Variants in XKR9 observed in about 807,000 individuals in gnomAD.
XKR9 encodes XK-related protein 9.
XKR9 carries 32 observed loss-of-function variants against 32.0 expected under a neutral mutation model. That is an observed-to-expected ratio of 1.00 (90% CI 0.76 to 1.34). The LOEUF (loss-of-function observed/expected upper bound fraction) is 1.34, where lower values mean the gene tolerates loss of function less well. Among genes scored for constraint, XKR9 ranks in the 40% most tolerant of loss-of-function variants. XKR9 has a pLI of 0.00. For missense variants in XKR9, 546 were observed against 429.7 expected (o/e 1.27, Z -2.39); for synonymous variants, 168 against 143.4 (o/e 1.17, Z -1.22).
the XKR9 span, among the ~76,000 whole-genome samples, chr8:71,016,280 A>AT: frequency 6.6e-6 from 1 of 151,938 alleles, no homozygotes; most frequent in Non-Finnish European, 1.5e-5. Context: ...CTGTTTTTAT[A>AT]TTTTTTCAAT....
the XKR9 span, among the ~76,000 whole-genome samples, chr8:70,983,583 C>G: frequency 6.6e-6 from 1 of 151,788 alleles, no homozygotes; most frequent in Admixed American, 6.6e-5. Context: ...GAGTTCAAGA[C>G]CAGCCTGGCT....
chr8:70,814,630 C>G, the XKR9 span, among the ~76,000 whole-genome samples: 1 of 151,992 alleles, frequency 6.6e-6, no homozygotes, highest in Non-Finnish European at 1.5e-5. Flanking sequence ...AAAACCATTG[C>G]CAATATCATA....
intron 1 of XKR9, among the ~76,000 whole-genome samples, chr8:70,671,025 A>G (rs1370255526): frequency 6.6e-6 from 1 of 152,134 alleles, no homozygotes; most frequent in Non-Finnish European, 1.5e-5. Context: ...TGGCTTAATT[A>G]ATTTCCTTAC....
rs1819054688 is a variant in XKR9, at chr8:70,680,868, G to T, written c.-191G>T. 4.2e-6 allele frequency: 2 copies of T among 473,378 alleles called. No individual in the cohort carries two copies. The highest frequency in any genetic ancestry group is 7.3e-6 in the Non-Finnish European group (2 of 273,488). 29.3% of individuals were successfully genotyped at this position (473,378 alleles called of 1,614,324 possible). On this transcript the variant is annotated 5_prime_UTR_variant, in exon 3 of 5. Transcript: ENST00000408926. ...GGACCTAGATTAGAGATTTAGAAAA[G>T]AAAGTCAAAATTAGTCACTTTAGTG...
downstream of XKR9, among the ~76,000 whole-genome samples, chr8:70,739,743 A>G (rs1269305435): frequency 2.0e-5 from 3 of 152,116 alleles, no homozygotes; most frequent in East Asian, 1.9e-4. Context: ...GTTTGTCTGG[A>G]TATGAAATTC....
chr8:71,051,500 T>C, the XKR9 span, among the ~76,000 whole-genome samples: 505 of 148,508 alleles, frequency 3.4e-3, 1 homozygote, highest in African/African-American at 0.012. Flanking sequence ...TCATGGTTTG[T>C]TGTTGCTGGT....
At chr8:71,021,498 CTTTTTTTTTT>C in the XKR9 span, among the ~76,000 whole-genome samples, 1 of 101,418 alleles carries the variant, frequency 9.9e-6, no homozygotes, top group African/African-American at 3.6e-5. Context: ...TTGATGGTTT[CTTTTTTTTTT>C]TTTTTTTTTT....
the XKR9 span, among the ~76,000 whole-genome samples, chr8:71,057,699 AT>A: frequency 6.6e-6 from 1 of 152,266 alleles, no homozygotes; most frequent in East Asian, 1.9e-4. Flanking sequence ...TGGAAATGGA[AT>A]TGGAGTTGGG....
chr8:71,031,704 T>C, the XKR9 span, among the ~76,000 whole-genome samples: 1 of 152,248 alleles, frequency 6.6e-6, no homozygotes, highest in East Asian at 1.9e-4. Flanking sequence ...GCTTTCACAA[T>C]TGTTTTTTCA....
chr8:70,970,477 C>A, the XKR9 span, among the ~76,000 whole-genome samples: 6 of 152,122 alleles, frequency 3.9e-5, no homozygotes, highest in Non-Finnish European at 7.4e-5. Context: ...TAGCTGCCCA[C>A]CCCCCAACAG....
intron 4 of XKR9, among the ~76,000 whole-genome samples, chr8:70,711,050 A>G (rs765827409): frequency 5.9e-5 from 9 of 152,214 alleles, no homozygotes; most frequent in Non-Finnish European, 1.3e-4. Context: ...AATTAGAGAA[A>G]TGCAAATCAA....
At chr8:70,685,085 G>C (rs1368349491) in intron 3 of XKR9, among the ~76,000 whole-genome samples, 4 of 151,124 alleles carry the variant, frequency 2.6e-5, no homozygotes, top group Non-Finnish European at 5.9e-5. Context: ...GCAAAGACTT[G>C]GAACCAACCC....
the XKR9 span, among the ~76,000 whole-genome samples, chr8:70,878,719 C>T: frequency 6.6e-6 from 1 of 152,144 alleles, no homozygotes; most frequent in Non-Finnish European, 1.5e-5. Context: ...GACTTTAACA[C>T]CCCACTGTCA....
chr8:70,815,163 A>AT, the XKR9 span, among the ~76,000 whole-genome samples: 48,437 of 151,998 alleles, frequency 0.32, 9,073 homozygotes, highest in Non-Finnish European at 0.43. Context: ...TTATTCATTT[A>AT]TTTTTAATTT....
chr8:70,943,638 C>T, the XKR9 span, among the ~76,000 whole-genome samples: 1 of 151,992 alleles, frequency 6.6e-6, no homozygotes, highest in Admixed American at 6.6e-5. Context: ...CAGCTTTCTC[C>T]TTCTCTTTCC....
the XKR9 span, among the ~76,000 whole-genome samples, chr8:70,929,100 C>T: frequency 6.6e-6 from 1 of 152,236 alleles, no homozygotes; most frequent in Non-Finnish European, 1.5e-5. Context: ...ACACAATAAG[C>T]TGCTCAACCA....
At chr8:70,714,574 C>T (rs1806028243) in intron 4 of XKR9, among the ~76,000 whole-genome samples, 1 of 151,906 alleles carries the variant, frequency 6.6e-6, no homozygotes, top group Non-Finnish European at 1.5e-5. Context: ...AAGTTTTTGT[C>T]AACATCATAA....
At chr8:70,729,642 C>A (rs534799964) in intron 4 of XKR9, among the ~76,000 whole-genome samples, 1 of 151,960 alleles carries the variant, frequency 6.6e-6, no homozygotes, top group South Asian at 2.1e-4. Flanking sequence ...CTTAGGGCAG[C>A]CATAGTTAAA....
the XKR9 span, among the ~76,000 whole-genome samples, chr8:70,799,065 GT>G: frequency 6.6e-6 from 1 of 152,100 alleles, no homozygotes; most frequent in East Asian, 1.9e-4. Context: ...TTTTAAAATA[GT>G]TTTTTCATTT....
Sources: allele counts gnomAD v4.1 joint callset (sites outside exome capture counted in the v4.1 genomes callset), GRCh38; gene constraint gnomAD v4.1.1; transcripts MANE v1.5; gene names NCBI Gene and HGNC (gene_info 2026-07-23, HGNC 2026-07-21).